CMYA5: variants seen among roughly 807,000 people sequenced by gnomAD.
The protein encoded by CMYA5 is cardiomyopathy associated 5.
CMYA5 carries 246 observed loss-of-function variants against 318.9 expected under a neutral mutation model. The observed-to-expected ratio is 0.77, with a 90% confidence interval of 0.70 to 0.86. The LOEUF (loss-of-function observed/expected upper bound fraction) is 0.86. Ranked by LOEUF, CMYA5 falls within the 40% of genes least tolerant of loss-of-function variation. The pLI is 0.00. For synonymous variants in CMYA5, 1,641 were observed against 1,729.5 expected, an observed-to-expected ratio of 0.95 and a Z score of 1.27; for missense variants, 4,589 against 4,678.2, an observed-to-expected ratio of 0.98 and a Z score of 0.56.
rs899541796 is a variant in CMYA5, at chr5:79,751,435, G to A, written c.10992-1241G>A. ...CCACTCATTAATACCCAGCCCAAATGTTACCTCCTCTTTGAAGCCCCTCTG... is the reference window on the plus strand; with the variant it reads ...CCACTCATTAATACCCAGCCCAAATATTACCTCCTCTTTGAAGCCCCTCTG... On this transcript the variant is annotated intron_variant, in intron 5 of 12. Transcript: ENST00000446378. Among the ~76,000 whole-genome samples, 31 of 152,040 alleles carry A rather than the reference G, an allele frequency of 2.0e-4. 1 individual carries two copies. The highest frequency in any genetic ancestry group is 7.0e-4 in the African/African-American group (29 of 41,388).
At position 79,731,330 on chromosome 5, in the gene CMYA5, T is replaced by C. The variant is rs370392272; in HGVS notation, c.2565T>C (p.Ser855=). ...ATTTGGTTGTTGCATCTGAACACTC[T>C]TTCCCACCACACACAACCGAGATGA... is the stretch of plus-strand genomic sequence containing the variant. ...SPDLVVASEH[S]FPPHTTEMTS... Residue 855 remains serine (S), a synonymous_variant, in exon 2 of 13, where the codon TCT becomes TCC. Transcript: ENST00000446378. 6.2e-7 allele frequency: 1 copy of C among 1,613,996 alleles called. No individual in the cohort carries two copies. Among genetic ancestry groups the C allele is most frequent in the Non-Finnish European group, 8.5e-7 (1 of 1,179,888 alleles).
chr5:79,764,999 C>A (rs1276114680), intron 9 of CMYA5, among the ~76,000 whole-genome samples: 2 of 152,140 alleles, frequency 1.3e-5, no homozygotes, highest in African/African-American at 4.8e-5. Flanking sequence ...TTAATTAGAT[C>A]CCACTGGTGG....
chr5:79,742,077 CTTCTTCTTCTTCTTCTTCTTCT>C (rs1195182140), intron 2 of CMYA5, among the ~76,000 whole-genome samples: 4 of 45,620 alleles, frequency 8.8e-5, no homozygotes, highest in Non-Finnish European at 1.5e-4. Context: ...TCTTCTTCTT[CTTCTTCTTCTTCTTCTTCTTCT>C]TTCTTCTTCT....
chr5:79,703,796 CA>C (rs1225785116), intron 1 of CMYA5, among the ~76,000 whole-genome samples: 2 of 152,120 alleles, frequency 1.3e-5, no homozygotes, highest in Admixed American at 1.3e-4. Context: ...TTCTGTCAGT[CA>C]AAAAATATTC....
intron 1 of CMYA5, among the ~76,000 whole-genome samples, chr5:79,701,814 C>A (rs1162086781): frequency 2.6e-5 from 4 of 152,084 alleles, no homozygotes; most frequent in African/African-American, 9.7e-5. Flanking sequence ...GGAAACAACC[C>A]AAATGTCCAT....
chr5:79,794,795 G>A (rs549629581), intron 12 of CMYA5, among the ~76,000 whole-genome samples: 1 of 152,266 alleles, frequency 6.6e-6, no homozygotes, highest in South Asian at 2.1e-4. Flanking sequence ...ATTTCTCCCT[G>A]CATCCTACTT....
chr5:79,738,507 C>T lies in CMYA5; in HGVS notation c.9742C>T (p.Leu3248Phe), dbSNP rs757195872. 6.2e-7 allele frequency: 1 copy of T among 1,613,412 alleles called. No individual in the cohort carries two copies. Among genetic ancestry groups the T allele is most frequent in the Non-Finnish European group, 8.5e-7 (1 of 1,179,862 alleles). ...GAAGTACATACTCAAAGATGACATT[C>T]TCCATGACACATCTCTAACTCAAAA... ...FEKYILKDDI[L>F]HDTSLTQKDQ... The change falls in exon 2 of 13, where the codon CTC (leucine) becomes TTC (phenylalanine). Residue 3248 changes from leucine to phenylalanine, a missense_variant. Around this residue, in one of 3 missense-constraint regions of CMYA5, gnomAD observed 2,431 missense variants for 2,495.1 expected, o/e 0.97. Transcript: ENST00000446378.
At chr5:79,761,532 GTTACT>G (rs1384037971) in intron 7 of CMYA5, among the ~76,000 whole-genome samples, 2 of 152,154 alleles carry the variant, frequency 1.3e-5, no homozygotes, top group African/African-American at 4.8e-5. Context: ...ACTGAAATAA[GTTACT>G]TTAATTGTGG....
Position 79,793,423 on chromosome 5 carries a change from G to A in CMYA5, c.11790-14G>A. On this transcript the variant is annotated splice_polypyrimidine_tract_variant and intron_variant, in intron 11 of 12. Transcript: ENST00000446378. The stretch of plus-strand genomic sequence containing the variant: ...TTCCTGCACTGAGCATACTCTGATT[G>A]ACTTCACCCACAGAATCCCGTCAGT... The A allele has an allele frequency of 6.2e-7, 1 of 1,606,208 alleles. No individual in the cohort carries two copies. Among genetic ancestry groups the A allele is most frequent in the Non-Finnish European group, 8.5e-7 (1 of 1,173,972 alleles).
intron 9 of CMYA5, chr5:79,763,541 A>C: frequency 4.0e-6 from 1 of 250,624 alleles, no homozygotes; most frequent in Non-Finnish European, 7.8e-6. Context: ...CTATATCAGA[A>C]TCCGTACCAC....
chr5:79,696,071 A>G (rs569172239), intron 1 of CMYA5, among the ~76,000 whole-genome samples: 1 of 152,234 alleles, frequency 6.6e-6, no homozygotes, highest in Non-Finnish European at 1.5e-5. Flanking sequence ...GACTTCTACA[A>G]GAAGCAAGTT....
intron 1 of CMYA5, among the ~76,000 whole-genome samples, chr5:79,700,646 C>A (rs1006103381): frequency 1.3e-5 from 2 of 152,090 alleles, no homozygotes; most frequent in African/African-American, 4.8e-5. Flanking sequence ...AATAAAACCA[C>A]AACAAAGCCT....
chr5:79,785,245 C>T (rs952499623), intron 9 of CMYA5, among the ~76,000 whole-genome samples: 3 of 151,768 alleles, frequency 2.0e-5, no homozygotes, highest in Admixed American at 1.3e-4. Context: ...ATTAGGTTGC[C>T]GCTTCCTGAC....
rs149153649 is a variant in CMYA5 at position 79,742,690 on chromosome 5, T to G, written c.10639-1137T>G. Among the ~76,000 whole-genome samples the G allele has an allele frequency of 3.4e-3, 516 of 151,782 alleles. 6 individuals are homozygous for G. Among genetic ancestry groups the G allele is most frequent in the African/African-American group, 0.012 (498 of 41,354 alleles). On this transcript the variant is annotated intron_variant, in intron 2 of 12. Transcript: ENST00000446378. ...TTATTTATTTTCTTCATTTACTCAC[T>G]CCCTTCCTGCATTCTCAGTGTTTAT...
intron 1 of CMYA5, among the ~76,000 whole-genome samples, chr5:79,696,884 G>A (rs1050029135): frequency 1.3e-5 from 2 of 152,082 alleles, no homozygotes; most frequent in Non-Finnish European, 2.9e-5. Context: ...GCAGGTGCCT[G>A]TAATCCCAGC....
chr5:79,797,801 C>T (rs1364068860), intron 12 of CMYA5, among the ~76,000 whole-genome samples: 1 of 152,198 alleles, frequency 6.6e-6, no homozygotes, highest in Admixed American at 6.5e-5. Flanking sequence ...CCCAAGAGGC[C>T]AATGGTGATG....
intron 8 of CMYA5, chr5:79,762,796 A>G (rs74806080): frequency 0.082 from 33,475 of 409,396 alleles, 2,102 homozygotes; most frequent in East Asian, 0.26. Flanking sequence ...TTGTATATGT[A>G]TAAAGAAAGT....
rs372889256 is a variant in CMYA5 at position 79,731,525 on chromosome 5, T to C, written c.2760T>C (p.His920=). The C allele has an allele frequency of 1.2e-6, 2 of 1,603,570 alleles. No individual in the cohort carries two copies. The highest frequency in any genetic ancestry group is 1.7e-6 in the Non-Finnish European group (2 of 1,175,154). Residue 920 remains histidine, a synonymous_variant, in exon 2 of 13, where the codon CAT becomes CAC. Transcript: ENST00000446378. The stretch of plus-strand genomic sequence containing the variant: ...AGGCACAGGAGGAAGAAATTGTCCA[T>C]AGATCTCTAAATCTAAAAGGTGCAT... ...TPEAQEEEIV[H]RSLNLKGASS...
At position 79,799,870 on chromosome 5, in the gene CMYA5, T is replaced by TACGGCAAACA; in HGVS notation, c.*255_*256insCGGCAAACAA. 2 of 158,426 alleles carry TACGGCAAACA rather than the reference T, an allele frequency of 1.3e-5. No individual in the cohort carries two copies. Among genetic ancestry groups the TACGGCAAACA allele is most frequent in the East Asian group, 1.4e-4 (1 of 7,278 alleles). 9.8% of individuals were successfully genotyped at this position (158,426 alleles called of 1,614,324 possible). A position where few individuals can be genotyped will look rare whatever the true frequency, so the allele number is the denominator to read the frequency against. On this transcript the variant is annotated 3_prime_UTR_variant, in exon 13 of 13. Transcript: ENST00000446378. ...TATAAGTTTGAGTTCTTTCCTAAAT[T>TACGGCAAACA]AAAAGATCTACACTTGAGTTGGGAA...
Sources: gnomAD v4.1 joint callset for allele counts (sites outside exome capture counted in the v4.1 genomes callset) on GRCh38, gnomAD v4.1.1 for gene constraint, gnomAD v4.1.1 regional missense constraint, MANE v1.5 for transcripts, NCBI Gene and HGNC (gene_info 2026-07-23, HGNC 2026-07-21) for gene names.